The following NKAIN1 variants were observed in gnomAD, a reference collection of about 807,000 sequenced individuals.
NKAIN1 encodes the protein sodium/potassium-transporting ATPase subunit beta-1-interacting protein 1.
A neutral mutation model predicts 31.6 loss-of-function variants in NKAIN1; 13 were observed. That is an observed-to-expected ratio of 0.41 (90% CI 0.27 to 0.65). The LOEUF is 0.65. Ranked by LOEUF, NKAIN1 falls within the 30% of genes least tolerant of loss-of-function variation. The pLI is 0.30. For synonymous variants in NKAIN1, 104 were observed against 109.0 expected, an observed-to-expected ratio of 0.95 and a Z score of 0.28; for missense variants, 193 against 262.2, an observed-to-expected ratio of 0.74 and a Z score of 1.82.
chr1:31,182,093 C>T (rs2297959), intron 5 of NKAIN1, 152 bp from the exon 6 acceptor site: 454,749 of 734,462 alleles, frequency 0.62, 150,574 homozygotes, highest in Middle Eastern at 0.77. Context: ...AGGGTCAGAC[C>T]CCGTGCAGGG....
chr1:31,219,757 T>C (rs1218805463), intron 1 of NKAIN1, among the ~76,000 whole-genome samples: 1 of 152,214 alleles, frequency 6.6e-6, no homozygotes, highest in African/African-American at 2.4e-5. Flanking sequence ...TTGGAGAGCT[T>C]GGGATCAGGA....
At chr1:31,183,755 T>G in intron 4 of NKAIN1, 62 bp downstream of exon 4, 1 of 1,536,438 alleles carries the variant, frequency 6.5e-7, no homozygotes, top group African/African-American at 1.4e-5. Flanking sequence ...ACCCATCCCC[T>G]CAACCAGAGC....
intron 1 of NKAIN1, chr1:31,193,749 G>A (rs996577632): frequency 6.6e-6 from 1 of 152,022 alleles, no homozygotes; most frequent in Non-Finnish European, 1.5e-5. Flanking sequence ...TTCTGCTTGT[G>A]TAGCAGTTAC....
chr1:31,230,113 A>G (rs1645634352), intron 1 of NKAIN1, among the ~76,000 whole-genome samples: 1 of 152,148 alleles, frequency 6.6e-6, no homozygotes, highest in African/African-American at 2.4e-5. Flanking sequence ...TGAGCCTTCC[A>G]TTCATTGAGA....
chr1:31,233,664 C>T lies in NKAIN1; in HGVS notation c.54+5830G>A, dbSNP rs1362419572. Among the ~76,000 whole-genome samples the T allele has an allele frequency of 1.3e-5, 2 of 152,124 alleles. No individual in the cohort carries two copies. Among genetic ancestry groups the T allele is most frequent in the African/African-American group, 4.8e-5 (2 of 41,428 alleles). On this transcript the variant is annotated intron_variant, in intron 1 of 6. Coordinates refer to ENST00000373736, the MANE Select transcript of NKAIN1 (RefSeq NM_024522.3). This position sits in a 1 kb window ranked among gnomAD's most constrained non-coding sequence, Gnocchi z 4.0. ...GAGCTGGAGTGTTTGTGGGAATGACCCTGATCACGAAATCCTCTAATACAG... is the reference window on the plus strand; with the variant it reads ...GAGCTGGAGTGTTTGTGGGAATGACTCTGATCACGAAATCCTCTAATACAG...
chr1:31,205,354 G>A (rs1312658514), intron 1 of NKAIN1, among the ~76,000 whole-genome samples: 1 of 152,014 alleles, frequency 6.6e-6, no homozygotes, highest in African/African-American at 2.4e-5. Flanking sequence ...TGTTGCCTAG[G>A]CTGGAGTGCA....
At chr1:31,199,386 T>C (rs12062726) in intron 1 of NKAIN1, among the ~76,000 whole-genome samples, 11,294 of 152,258 alleles carry the variant, frequency 0.074, 1,272 homozygotes, top group African/African-American at 0.24. Flanking sequence ...GCTGACTATA[T>C]GGCAACAGCT....
intron 1 of NKAIN1, chr1:31,188,413 C>T (rs1263278777): frequency 3.9e-6 from 2 of 511,698 alleles, no homozygotes; most frequent in Non-Finnish European, 6.9e-6. Flanking sequence ...AGAACACCTT[C>T]CTCCCTGCCA....
intron 1 of NKAIN1, among the ~76,000 whole-genome samples, chr1:31,224,755 G>C (rs1645589575): frequency 6.6e-6 from 1 of 152,230 alleles, no homozygotes; most frequent in Non-Finnish European, 1.5e-5. Context: ...TCCCCACCCG[G>C]TGTCCCACCA....
chr1:31,239,474 C>G lies in NKAIN1; in HGVS notation c.54+20G>C. The stretch of plus-strand genomic sequence containing the variant: ...GCCGCGCCCCACCCTGCCCCGACTG[C>G]CTGGGCACGCGACGCTTACCAGCTG... On this transcript the variant is annotated intron_variant, in intron 1 of 6. Coordinates refer to ENST00000373736, the MANE Select transcript of NKAIN1 (RefSeq NM_024522.3). The surrounding 1 kb of genome is among the most constrained non-coding windows in gnomAD (Gnocchi z 4.8). The G allele has an allele frequency of 6.9e-7, 1 of 1,440,864 alleles. No individual in the cohort carries two copies. Among genetic ancestry groups the G allele is most frequent in the Non-Finnish European group, 9.1e-7 (1 of 1,102,000 alleles). 89.3% of individuals were successfully genotyped at this position (1,440,864 alleles called of 1,614,324 possible). A position where few individuals can be genotyped will look rare whatever the true frequency, so the allele number is the denominator to read the frequency against.
intron 1 of NKAIN1, among the ~76,000 whole-genome samples, chr1:31,209,156 C>T (rs1396586878): frequency 6.6e-6 from 1 of 152,168 alleles, no homozygotes; most frequent in African/African-American, 2.4e-5. Context: ...AGGTGGATCA[C>T]CCGAGGTCAG....
intron 1 of NKAIN1, among the ~76,000 whole-genome samples, chr1:31,199,011 G>T (rs1242717337): frequency 6.6e-6 from 1 of 152,172 alleles, no homozygotes; most frequent in Admixed American, 6.5e-5. Flanking sequence ...CCCCACCCTT[G>T]CCAGCCAATT....
chr1:31,201,583 G>T (rs374217755), intron 1 of NKAIN1, among the ~76,000 whole-genome samples: 2 of 151,904 alleles, frequency 1.3e-5, no homozygotes, highest in African/African-American at 4.8e-5. Context: ...GGATGGTCTC[G>T]ATCTCCTGAC....
intron 1 of NKAIN1, among the ~76,000 whole-genome samples, chr1:31,207,831 CAT>C (rs146681550): frequency 0.042 from 6,449 of 152,212 alleles, 376 homozygotes; most frequent in African/African-American, 0.13. Flanking sequence ...ATGTCCATAT[CAT>C]GTACTCCTCT....
chr1:31,228,437 G>A (rs1645623917), intron 1 of NKAIN1, among the ~76,000 whole-genome samples: 1 of 152,104 alleles, frequency 6.6e-6, no homozygotes, highest in Non-Finnish European at 1.5e-5. Context: ...GAAGAAGTAT[G>A]CTAAGGAGAG....
rs1443695999 is a variant in NKAIN1, at chr1:31,239,633, C to G, written c.-86G>C. On this transcript the variant is annotated 5_prime_UTR_variant, in exon 1 of 7. Transcript: ENST00000373736. The surrounding 1 kb of genome is among the most constrained non-coding windows in gnomAD (Gnocchi z 4.8). Reference sequence around the variant, plus strand: ...TGCTCGCGCCGCGCGGGCTCCACGTCCTCCCCGCTGGGCGCGCCGGGCGGC... The same window carrying G: ...TGCTCGCGCCGCGCGGGCTCCACGTGCTCCCCGCTGGGCGCGCCGGGCGGC... The G allele has an allele frequency of 9.5e-6, 7 of 740,590 alleles. No homozygotes were observed. In the African/African-American group the frequency reaches 1.3e-4, roughly 14 times the overall value. 45.9% of individuals were successfully genotyped at this position (740,590 alleles called of 1,614,324 possible). A position where few individuals can be genotyped will look rare whatever the true frequency, so the allele number is the denominator to read the frequency against.
chr1:31,191,290 CAAA>C (rs1261608850), intron 1 of NKAIN1, among the ~76,000 whole-genome samples: 2 of 94,624 alleles, frequency 2.1e-5, no homozygotes. Flanking sequence ...GACTCTGTCT[CAAA>C]AAAAAAAAAA....
intron 1 of NKAIN1, among the ~76,000 whole-genome samples, chr1:31,193,057 T>C (rs1645298215): frequency 1.0e-5 from 1 of 97,972 alleles, no homozygotes; most frequent in African/African-American, 2.6e-5. Flanking sequence ...TTTTATTTTA[T>C]TATTTATTTT....
In NKAIN1 at chr1:31,182,540, C is replaced by T; in HGVS notation, c.522G>A (p.Glu174=). ...GGGCGCCTTACTCACAGCTGTCCTCCTCCTCCAGGAACACTTTGCTCACGT... is the reference window on the plus strand; with the variant it reads ...GGGCGCCTTACTCACAGCTGTCCTCTTCCTCCAGGAACACTTTGCTCACGT... The part of the protein sequence containing the change: ...ACYVSKVFLE[E]EDSFDFIGGF... The change falls in exon 5 of 7, where the codon GAG becomes GAA. Residue 174 remains glutamate (E), a synonymous_variant. Coordinates refer to ENST00000373736, the MANE Select transcript of NKAIN1 (RefSeq NM_024522.3). The T allele has an allele frequency of 6.2e-7, 1 of 1,614,138 alleles. No homozygotes were observed. The highest frequency in any genetic ancestry group is 2.2e-5 in the East Asian group (1 of 44,884).
Sources: gnomAD v4.1 joint callset for allele counts (sites outside exome capture counted in the v4.1 genomes callset) on GRCh38, gnomAD v4.1.1 for gene constraint, Gnocchi (gnomAD v3.1) non-coding constraint, MANE v1.5 for transcripts, NCBI Gene and HGNC (gene_info 2026-07-23, HGNC 2026-07-21) for gene names.